Variants in RAPH1 observed in about 807,000 individuals in gnomAD.
RAPH1 encodes the protein Ras association (RalGDS/AF-6) and pleckstrin homology domains 1.
RAPH1 carries 18 observed loss-of-function variants against 88.1 expected under a neutral mutation model. The observed-to-expected ratio is 0.20, with a 90% CI of 0.14 to 0.30. RAPH1 has a LOEUF of 0.30. Among genes scored for constraint, RAPH1 ranks in the 10% least tolerant of loss-of-function variants. The pLI, the probability that RAPH1 is intolerant of heterozygous loss-of-function variation, is 1.00. For missense variants in RAPH1, 1,448 were observed against 1,543.2 expected, an observed-to-expected ratio of 0.94 and a Z score of 1.03; for synonymous variants, 587 against 559.0, an observed-to-expected ratio of 1.05 and a Z score of -0.71.
At chr2:203,506,898 A>ATTTTTTTTTTTTTTTTTT (rs1243668890) in intron 1 of RAPH1, among the ~76,000 whole-genome samples, 3 of 87,878 alleles carry the variant, frequency 3.4e-5, no homozygotes, top group African/African-American at 1.9e-4. Flanking sequence ...ATATATATAT[A>ATTTTTTTTTTTTTTTTTT]TTTTTTTTTT....
At chr2:203,456,425 C>CT (rs1287240786) in intron 8 of RAPH1, among the ~76,000 whole-genome samples, 1 of 152,058 alleles carries the variant, frequency 6.6e-6, no homozygotes, top group East Asian at 1.9e-4. Flanking sequence ...TTATGTGACT[C>CT]TAAGACAAAG....
chr2:203,472,432 A>G (rs1288288882), intron 4 of RAPH1, among the ~76,000 whole-genome samples: 1 of 152,200 alleles, frequency 6.6e-6, no homozygotes, highest in African/African-American at 2.4e-5. Context: ...GTGCCCAGCC[A>G]CGTTTCTTTA....
chr2:203,509,357 G>A (rs978809237), intron 1 of RAPH1, among the ~76,000 whole-genome samples: 7 of 151,590 alleles, frequency 4.6e-5, no homozygotes, highest in Admixed American at 1.3e-4. Context: ...CACCACACCC[G>A]GCCCTAAAAA....
chr2:203,448,931 G>T lies in RAPH1; in HGVS notation c.1414-95C>A. On this transcript the variant is annotated intron_variant, in intron 10 of 13. Transcript: ENST00000319170. The surrounding 1 kb of genome is among the most constrained non-coding windows in gnomAD (Gnocchi z 4.1). ...TTAAACATATCCTGACAAGTTATAG[G>T]CCATTAGAGTAATGGCCAATACATT... 1.4e-6 allele frequency: 1 copy of T among 708,494 alleles called. No individual in the cohort carries two copies. The highest frequency in any genetic ancestry group is 2.3e-6 in the Non-Finnish European group (1 of 436,846). The allele number at this position is 708,494 out of a possible 1,614,324, so 43.9% of individuals were successfully genotyped here. A position where few individuals can be genotyped will look rare whatever the true frequency, so the allele number is the denominator to read the frequency against.
At chr2:203,517,160 A>G (rs1689651458) in intron 1 of RAPH1, among the ~76,000 whole-genome samples, 1 of 152,072 alleles carries the variant, frequency 6.6e-6, no homozygotes, top group African/African-American at 2.4e-5. Flanking sequence ...AAGTAAACCA[A>G]CAGAGAAAAA....
chr2:203,481,225 C>T (rs1048604742), intron 4 of RAPH1, among the ~76,000 whole-genome samples: 3 of 152,056 alleles, frequency 2.0e-5, no homozygotes, highest in African/African-American at 7.2e-5. Flanking sequence ...CTTGATTTTC[C>T]TTCAGTTCTG....
chr2:203,440,707 G>A lies in RAPH1; in HGVS notation c.2483C>T (p.Pro828Leu). ...AFPASYIPPS[P>L]PTPPVPVPPP... ...GGGTACTGGAACAGGAGGGGTAGGG[G>A]GAGAGGGTGGAATGTAAGAAGCAGG... The change falls in exon 14 of 14, where the codon CCC becomes CTC. Residue 828 changes from proline (P) to leucine (L), a missense_variant. Physicochemically the swap from Pro to Leu is moderately conservative, Grantham distance 98. Coordinates refer to ENST00000319170, the MANE Select transcript of RAPH1 (RefSeq NM_213589.3). The A allele has an allele frequency of 6.2e-7, 1 of 1,600,984 alleles. No individual in the cohort carries two copies. Among genetic ancestry groups the A allele is most frequent in the Middle Eastern group, 1.7e-4 (1 of 6,006 alleles).
At chr2:203,529,271 G>GCCTGCT (rs1047011400) in intron 1 of RAPH1, among the ~76,000 whole-genome samples, 7 of 151,702 alleles carry the variant, frequency 4.6e-5, no homozygotes, top group African/African-American at 1.7e-4. Context: ...ACCGCACCTG[G>GCCTGCT]CCTGCTCTAC....
intron 2 of RAPH1, among the ~76,000 whole-genome samples, chr2:203,492,647 A>C (rs1436976861): frequency 2.6e-5 from 4 of 152,224 alleles, no homozygotes; most frequent in African/African-American, 7.2e-5. Context: ...GTCAGTAGTT[A>C]TTGTTTAATA....
At chr2:203,485,601 A>G (rs555101642) in intron 4 of RAPH1, among the ~76,000 whole-genome samples, 2 of 152,290 alleles carry the variant, frequency 1.3e-5, no homozygotes, top group South Asian at 4.1e-4. Context: ...GTATGTGTCC[A>G]GGAAAAGAAT....
chr2:203,491,457 A>T (rs1688263823), intron 2 of RAPH1, 138 bp from the exon 3 acceptor site: 3 of 556,878 alleles, frequency 5.4e-6, no homozygotes, highest in Non-Finnish European at 9.4e-6. Flanking sequence ...AATAGACTTA[A>T]GGAAAAGTAT....
At position 203,434,584 on chromosome 2, in the gene RAPH1, T is replaced by G. The variant is rs1300486847; in HGVS notation, c.*4853A>C. On this transcript the variant is annotated 3_prime_UTR_variant, in exon 14 of 14. Transcript: ENST00000319170. ...CAAGTAGCAAAAAAAAAAAAAAAAGTAGGAGGTGGGGAAATAATATGAAAA... is the reference window on the plus strand; with the variant it reads ...CAAGTAGCAAAAAAAAAAAAAAAAGGAGGAGGTGGGGAAATAATATGAAAA... The G allele has an allele frequency of 1.3e-4, 19 of 142,718 alleles. No individual in the cohort carries two copies. The highest frequency in any genetic ancestry group is 5.2e-4 in the African/African-American group (19 of 36,730). The allele number at this position is 142,718 out of a possible 1,614,324, so 8.8% of individuals were successfully genotyped here.
At chr2:203,459,133 T>C (rs1047055469) in intron 7 of RAPH1, among the ~76,000 whole-genome samples, 4 of 152,124 alleles carry the variant, frequency 2.6e-5, no homozygotes, top group Non-Finnish European at 5.9e-5. Flanking sequence ...CCTCCCAAAG[T>C]GCTGGGATTA....
chr2:203,440,295 G>C lies in RAPH1; in HGVS notation c.2895C>G (p.Ser965Arg). 6.2e-7 allele frequency: 1 copy of C among 1,613,728 alleles called. No individual in the cohort carries two copies. Among genetic ancestry groups the C allele is most frequent in the South Asian group, 1.1e-5 (1 of 91,046 alleles). ...SPGKKTSKTS[S>R]PGGKKPPPTP... is the part of the protein sequence containing the mutation. ...TTGGGGGTGGTTTCTTTCCCCCAGG[G>C]CTGGACGTCTTACTGGTCTTTTTGC... The change falls in exon 14 of 14, where the codon AGC becomes AGG. Residue 965 changes from serine to arginine, a missense_variant. This residue lies in a region of RAPH1 where 935 missense variants were observed against 890.1 expected (regional missense o/e 1.05). Coordinates refer to ENST00000319170, the MANE Select transcript of RAPH1 (RefSeq NM_213589.3).
chr2:203,439,840 T>G lies in RAPH1; in HGVS notation c.3350A>C (p.Lys1117Thr), dbSNP rs1185822822. 6.2e-7 allele frequency: 1 copy of G among 1,613,974 alleles called. No homozygotes were observed. Among genetic ancestry groups the G allele is most frequent in the Non-Finnish European group, 8.5e-7 (1 of 1,179,982 alleles). The change falls in exon 14 of 14, where the codon AAG (lysine) becomes ACG (threonine). Residue 1117 changes from lysine (K) to threonine (T), a missense_variant. Physicochemically the swap from Lys to Thr is moderately conservative, Grantham distance 78. Around this residue, in one of 2 missense-constraint regions of RAPH1, gnomAD observed 935 missense variants for 890.1 expected, o/e 1.05. Transcript: ENST00000319170. The stretch of plus-strand genomic sequence containing the variant: ...GGGTCGTGTGGGTGGAGGGGCCTTC[T>G]TCACTGACATTTTAGACCATTGTTG... ...QPQQWSKMSVKKAPPPTRPKR... is the reference protein window; with the variant it reads ...QPQQWSKMSVTKAPPPTRPKR...
intron 1 of RAPH1, among the ~76,000 whole-genome samples, chr2:203,506,758 CTA>C (rs1436755024): frequency 2.6e-4 from 27 of 104,132 alleles, no homozygotes; most frequent in South Asian, 1.1e-3. Flanking sequence ...ATATATATAT[CTA>C]TATATATATC....
In RAPH1 at chr2:203,448,745, A is replaced by T; in HGVS notation, c.1505T>A (p.Ile502Asn). The T allele has an allele frequency of 6.3e-7, 1 of 1,597,760 alleles. No individual in the cohort carries two copies. The highest frequency in any genetic ancestry group is 1.1e-5 in the South Asian group (1 of 88,890). ...AATCAAAAGGAGACATGCCTTTGCA[A>T]TGCGGATCCCATTGACCCACTGATG... is the stretch of plus-strand genomic sequence containing the variant. ...TLHQWVNGIR[I>N]AKYGKQLYMN... Residue 502 changes from isoleucine to asparagine, a missense_variant, in exon 11 of 14, where the codon ATT becomes AAT. By Grantham distance (149) the Ile-to-Asn change is moderately radical. Transcript: ENST00000319170. This position sits in a 1 kb window ranked among gnomAD's most constrained non-coding sequence, Gnocchi z 4.1.
At chr2:203,520,719 C>T (rs952826257) in intron 1 of RAPH1, among the ~76,000 whole-genome samples, 9 of 151,668 alleles carry the variant, frequency 5.9e-5, no homozygotes, top group Non-Finnish European at 1.3e-4. Context: ...AAGAAACCAT[C>T]AGACTCATAA....
intron 4 of RAPH1, among the ~76,000 whole-genome samples, chr2:203,468,892 T>C (rs1259215436): frequency 6.6e-6 from 1 of 152,130 alleles, no homozygotes; most frequent in East Asian, 1.9e-4. Flanking sequence ...ACAAGCTTCA[T>C]TAGAAATTGG....
Sources: gnomAD v4.1 joint callset for allele counts (sites outside exome capture counted in the v4.1 genomes callset) on GRCh38, gnomAD v4.1.1 for gene constraint, gnomAD v4.1.1 regional missense constraint, Gnocchi (gnomAD v3.1) non-coding constraint, MANE v1.5 for transcripts, NCBI Gene and HGNC (gene_info 2026-07-23, HGNC 2026-07-21) for gene names.